Variants in GRAMD1B observed in about 807,000 individuals in gnomAD.
The protein encoded by GRAMD1B is GRAM domain containing 1B, also known as protein Aster-B.
GRAMD1B carries 37 observed loss-of-function variants against 99.7 expected under a neutral mutation model. That is an observed-to-expected ratio of 0.37 (90% confidence interval 0.29 to 0.49). The LOEUF (loss-of-function observed/expected upper bound fraction) is 0.49, where lower values mean the gene tolerates loss of function less well. Ranked by LOEUF, GRAMD1B falls within the 20% of genes least tolerant of loss-of-function variation. The pLI is 0.98. For synonymous variants in GRAMD1B, 427 were observed against 387.6 expected, an observed-to-expected ratio of 1.10 and a Z score of -1.19; for missense variants, 888 against 1,009.2, an observed-to-expected ratio of 0.88 and a Z score of 1.63.
intron 4 of GRAMD1B, 62 bp downstream of exon 4, chr11:123,584,394 G>GT: frequency 6.6e-6 from 4 of 604,728 alleles, no homozygotes; most frequent in East Asian, 3.9e-5. Flanking sequence ...AATGGAGGTT[G>GT]GGGGAAGGGG....
chr11:123,591,437 C>A lies in GRAMD1B; in HGVS notation c.685-2645C>A. ...GTCGGGGGTCCTCTGGAGCCTTCTG[C>A]TGGAGCAGGAGAGCCAGCTGCTGCA... On this transcript the variant is annotated intron_variant, in intron 4 of 19. Coordinates refer to ENST00000635736, the MANE Select transcript of GRAMD1B (RefSeq NM_001387025.1). The surrounding 1 kb of genome is among the most constrained non-coding windows in gnomAD (Gnocchi z 4.7). 2.5e-6 allele frequency: 1 copy of A among 399,134 alleles called. No individual in the cohort carries two copies. The highest frequency in any genetic ancestry group is 4.4e-6 in the Non-Finnish European group (1 of 226,122). 24.7% of individuals were successfully genotyped at this position (399,134 alleles called of 1,614,324 possible).
In GRAMD1B at chr11:123,626,148, T is replaced by C. The variant is rs1955503081; in HGVS notation, c.*3553T>C. 1 of 152,214 alleles carries C rather than the reference T, an allele frequency of 6.6e-6. No individual in the cohort carries two copies. The allele number at this position is 152,214 out of a possible 1,614,324, so 9.4% of individuals were successfully genotyped here. A position where few individuals can be genotyped will look rare whatever the true frequency, so the allele number is the denominator to read the frequency against. Reference sequence around the variant, plus strand: ...GTCTGTTCAGCCTTTCATCTATCCATCCTTCCTCTTTATTGGTAGAAGAAA... The same window carrying C: ...GTCTGTTCAGCCTTTCATCTATCCACCCTTCCTCTTTATTGGTAGAAGAAA... On this transcript the variant is annotated 3_prime_UTR_variant, in exon 20 of 20. Coordinates refer to ENST00000635736, the MANE Select transcript of GRAMD1B (RefSeq NM_001387025.1).
upstream of GRAMD1B, among the ~76,000 whole-genome samples, chr11:123,428,257 C>G (rs1044377553): frequency 1.2e-4 from 18 of 152,218 alleles, no homozygotes; most frequent in African/African-American, 4.1e-4. Context: ...AGTGAACAAA[C>G]TCTGTGGAAC....
chr11:123,548,251 T>G (rs1286936732), intron 2 of GRAMD1B, among the ~76,000 whole-genome samples: 1 of 145,484 alleles, frequency 6.9e-6, no homozygotes, highest in African/African-American at 2.5e-5. Flanking sequence ...TCCCTTCCAG[T>G]CCCCACTAGG....
At chr11:123,442,735 A>G (rs182743029) in intron 1 of GRAMD1B, among the ~76,000 whole-genome samples, 74 of 152,250 alleles carry the variant, frequency 4.9e-4, no homozygotes, top group African/African-American at 1.7e-3. Flanking sequence ...GCACCACTGC[A>G]CTCCAGCTTG....
intron 7 of GRAMD1B, chr11:123,597,931 C>T (rs1951486790): frequency 9.4e-7 from 1 of 1,069,116 alleles, no homozygotes; most frequent in Non-Finnish European, 1.5e-6. Context: ...AGCTGAGCTA[C>T]ATCCCTGAAC....
At chr11:123,520,399 A>C (rs1942079391) in intron 2 of GRAMD1B, among the ~76,000 whole-genome samples, 1 of 152,172 alleles carries the variant, frequency 6.6e-6, no homozygotes, top group African/African-American at 2.4e-5. Flanking sequence ...ATAAAAACCC[A>C]AAAGGGGTTG....
chr11:123,562,462 G>C (rs1946878711), intron 2 of GRAMD1B, among the ~76,000 whole-genome samples: 2 of 152,216 alleles, frequency 1.3e-5, no homozygotes. Context: ...GCTTTGCACA[G>C]TAGAAGCAGT....
chr11:123,578,098 C>G (rs941812922), intron 3 of GRAMD1B, among the ~76,000 whole-genome samples: 1 of 152,092 alleles, frequency 6.6e-6, no homozygotes, highest in Non-Finnish European at 1.5e-5. Flanking sequence ...CAGGACTGCC[C>G]CCTGAGTACC....
At chr11:123,593,106 C>G (rs548645346) in intron 4 of GRAMD1B, among the ~76,000 whole-genome samples, 1 of 151,978 alleles carries the variant, frequency 6.6e-6, no homozygotes, top group African/African-American at 2.4e-5. Context: ...GTGGCACATA[C>G]CTGTAGTCCC....
chr11:123,497,380 C>T lies in GRAMD1B; in HGVS notation c.452+16487C>T, dbSNP rs1158466834. Among the ~76,000 whole-genome samples the T allele has an allele frequency of 3.3e-5, 5 of 152,318 alleles. No individual in the cohort carries two copies. The South Asian group carries it at 1.0e-3, about 32-fold the overall frequency. On this transcript the variant is annotated intron_variant, in intron 2 of 19. Transcript: ENST00000635736. ...CTGGTTCAGACCTGAGGCCAGCACA[C>T]TATTGAGTCTCACTCAAAGCCTGCT...
Position 123,431,076 on chromosome 11 carries a change from G to A in GRAMD1B, c.284G>A (p.Cys95Tyr). 4.3e-6 allele frequency: 3 copies of A among 703,010 alleles called. No homozygotes were observed. The highest frequency in any genetic ancestry group is 5.4e-5 in the East Asian group (2 of 37,268). The allele number at this position is 703,010 out of a possible 1,614,324, so 43.5% of individuals were successfully genotyped here. ...SSDEDTPWSN[C>Y]STPSASPRRK... is the part of the protein sequence containing the mutation. ...GACGAGGACACCCCGTGGTCCAACT[G>A]CTCCACACCCAGCGCGTCCCCGCGC... The change falls in exon 1 of 20, where the codon TGC becomes TAC. Residue 95 changes from cysteine (C) to tyrosine (Y), a missense_variant. Cys to Tyr is a radical substitution (Grantham distance 194). This residue lies in a region of GRAMD1B where 233 missense variants were observed against 154.6 expected (regional missense o/e 1.51). Transcript: ENST00000635736.
intron 2 of GRAMD1B, chr11:123,491,882 T>A (rs2846291): frequency 0.39 from 154,804 of 398,932 alleles, 33,835 homozygotes; most frequent in African/African-American, 0.71. Context: ...AGACCGTCTC[T>A]TGCAGCACTG....
rs758654739 is a variant in GRAMD1B, at chr11:123,595,963, A to G, written c.895A>G (p.Ile299Val). The G allele has an allele frequency of 3.7e-6, 6 of 1,606,970 alleles. No individual in the cohort carries two copies. Among genetic ancestry groups the G allele is most frequent in the Middle Eastern group, 1.6e-4 (1 of 6,074 alleles). The change falls in exon 7 of 20, where the codon ATC becomes GTC. Residue 299 changes from isoleucine (I) to valine (V), a missense_variant. Physicochemically the swap from Ile to Val is conservative, Grantham distance 29. This residue lies in a region of GRAMD1B where 62 missense variants were observed against 139.4 expected (regional missense o/e 0.44). Transcript: ENST00000635736. ...CCAGCTGACAGTCCGTTTGAAAGACATCTGTTCCATGACTAAAGAAAAAAC... is the reference window on the plus strand; with the variant it reads ...CCAGCTGACAGTCCGTTTGAAAGACGTCTGTTCCATGACTAAAGAAAAAAC... ...ETLLTVRLKD[I>V]CSMTKEKTAR...
chr11:123,536,445 T>C (rs1943968466), intron 2 of GRAMD1B, among the ~76,000 whole-genome samples: 1 of 151,920 alleles, frequency 6.6e-6, no homozygotes, highest in South Asian at 2.1e-4. Flanking sequence ...AAAAATAAAA[T>C]AAAATAAAAT....
chr11:123,565,855 CA>C (rs1428053807), intron 2 of GRAMD1B, among the ~76,000 whole-genome samples: 1 of 152,202 alleles, frequency 6.6e-6, no homozygotes, highest in Non-Finnish European at 1.5e-5. Context: ...CTGTTGTGAA[CA>C]ATCTCAGGAA....
At chr11:123,527,367 G>A (rs1040543080) in intron 2 of GRAMD1B, among the ~76,000 whole-genome samples, 4 of 152,166 alleles carry the variant, frequency 2.6e-5, no homozygotes, top group Non-Finnish European at 5.9e-5. Flanking sequence ...TAGGGAACAG[G>A]GCCCTTTAGT....
At chr11:123,501,291 C>G (rs1166808734) in intron 2 of GRAMD1B, among the ~76,000 whole-genome samples, 1 of 152,136 alleles carries the variant, frequency 6.6e-6, no homozygotes, top group Non-Finnish European at 1.5e-5. Flanking sequence ...ATGCCTCAGC[C>G]ACCTGAGTGG....
At chr11:123,386,307 A>G (rs1423182423) in intron 1 of GRAMD1B, among the ~76,000 whole-genome samples, 1 of 152,174 alleles carries the variant, frequency 6.6e-6, no homozygotes, top group Non-Finnish European at 1.5e-5. Flanking sequence ...CGTTCTGAAC[A>G]GGAGGCCCCT....
Sources: allele counts gnomAD v4.1 joint callset (sites outside exome capture counted in the v4.1 genomes callset), GRCh38; gene constraint gnomAD v4.1.1; regional missense constraint gnomAD v4.1.1; non-coding constraint Gnocchi (gnomAD v3.1); transcripts MANE v1.5; gene names NCBI Gene and HGNC (gene_info 2026-07-23, HGNC 2026-07-21).